Variants in STK26 observed in about 807,000 individuals in gnomAD.
The protein encoded by STK26 is serine/threonine-protein kinase 26.
A neutral mutation model predicts 34.7 loss-of-function variants in STK26; 14 were observed. That is an observed-to-expected ratio of 0.40 (90% CI 0.27 to 0.63). STK26 has a LOEUF of 0.63. Among genes scored for constraint, STK26 ranks in the 30% least tolerant of loss-of-function variants. The pLI is 0.38. For missense variants in STK26, 226 were observed against 309.1 expected, an observed-to-expected ratio of 0.73 and a Z score of 2.02; for synonymous variants, 100 against 109.8, an observed-to-expected ratio of 0.91 and a Z score of 0.56.
chrX:132,042,173 T>A (rs1926290713), intron 2 of STK26, among the ~76,000 whole-genome samples: 1 of 111,265 alleles, frequency 9.0e-6, no homozygotes, highest in Non-Finnish European at 1.9e-5. Context: ...AGGATGGAGA[T>A]AGGTTTCAGA....
intron 2 of STK26, among the ~76,000 whole-genome samples, chrX:132,053,677 A>T (rs1156283288): frequency 8.9e-6 from 1 of 111,894 alleles, no homozygotes; most frequent in East Asian, 2.8e-4. Flanking sequence ...ATTTTGAAGG[A>T]ACTCAAAGTT....
chrX:132,055,005 A>G (rs1926808628), intron 3 of STK26, 144 bp downstream of exon 3: 1 of 520,841 alleles, frequency 1.9e-6, no homozygotes, highest in South Asian at 3.4e-5. Flanking sequence ...TATAGTGCCA[A>G]ATAAACCGTT....
At chrX:132,062,042 G>A (rs1295447546) in intron 3 of STK26, among the ~76,000 whole-genome samples, 4 of 112,307 alleles carry the variant, frequency 3.6e-5, no homozygotes, top group African/African-American at 1.3e-4. Context: ...GCTATACTAC[G>A]AATGAATACA....
At chrX:132,054,908 A>T in intron 3 of STK26, 47 bp downstream of exon 3, 1 of 1,051,482 alleles carries the variant, frequency 9.5e-7, no homozygotes, top group Non-Finnish European at 1.3e-6. Context: ...TTTTCATTAG[A>T]AGTTTTTTAA....
At chrX:132,034,289 A>ATTTTTTT (rs1219878763) in intron 2 of STK26, among the ~76,000 whole-genome samples, 3 of 34,966 alleles carry the variant, frequency 8.6e-5, no homozygotes, top group Admixed American at 5.2e-4. Context: ...TGAGACATTT[A>ATTTTTTT]TTCTTTTTTT....
intron 2 of STK26, among the ~76,000 whole-genome samples, chrX:132,048,132 GA>G (rs774041751): frequency 9.0e-6 from 1 of 111,548 alleles, no homozygotes; most frequent in Admixed American, 9.5e-5. Context: ...ACAAAGATAA[GA>G]AATATAGCAT....
Position 132,072,343 on chromosome X carries a change from G to C in STK26, c.1008G>C (p.Lys336Asn), listed in dbSNP as rs370089311. 46 of 1,199,456 alleles carry C rather than the reference G, an allele frequency of 3.8e-5. No individual in the cohort carries two copies. Among genetic ancestry groups the C allele is most frequent in the Non-Finnish European group, 4.9e-5 (43 of 886,338 alleles). ...FTTVRKKPDP[K>N]KVQNGAEQDL... Reference sequence around the variant, plus strand: ...CCGTACGAAAGAAGCCTGATCCAAAGAAAGTACAGAATGGGGCAGTATGTA... The same window carrying C: ...CCGTACGAAAGAAGCCTGATCCAAACAAAGTACAGAATGGGGCAGTATGTA... The change falls in exon 9 of 12, where the codon AAG becomes AAC. Residue 336 changes from lysine to asparagine, a missense_variant. Transcript: ENST00000394334.
intron 3 of STK26, among the ~76,000 whole-genome samples, 186 bp downstream of exon 3, chrX:132,055,047 C>T (rs1354958986): frequency 8.9e-6 from 1 of 112,082 alleles, no homozygotes; most frequent in Non-Finnish European, 1.9e-5. Flanking sequence ...CTGAATGCAT[C>T]CCAGTACTCA....
intron 2 of STK26, among the ~76,000 whole-genome samples, chrX:132,025,647 C>CTTTT (rs57313614): frequency 6.1e-4 from 50 of 81,712 alleles, no homozygotes; most frequent in African/African-American, 2.0e-3. Context: ...AGAGAGGAAT[C>CTTTT]TTTTTTTTTT....
At chrX:132,027,842 G>T (rs1339516592) in intron 2 of STK26, among the ~76,000 whole-genome samples, 1 of 109,860 alleles carries the variant, frequency 9.1e-6, no homozygotes, top group Non-Finnish European at 1.9e-5. Flanking sequence ...GATCTACAGA[G>T]GCTATTTCTT....
chrX:132,029,082 G>A (rs62619090), intron 2 of STK26, among the ~76,000 whole-genome samples: 21,771 of 110,941 alleles, frequency 0.2, 1,683 homozygotes, highest in East Asian at 0.32. Flanking sequence ...TTGACACTAG[G>A]GGAGTAGGGA....
chrX:132,072,960 A>G lies in STK26; in HGVS notation c.1093A>G (p.Lys365Glu). 8.3e-7 allele frequency: 1 copy of G among 1,209,591 alleles called. No homozygotes were observed. Among genetic ancestry groups the G allele is most frequent in the South Asian group, 1.8e-5 (1 of 56,464 alleles). Reference protein sequence around the residue: ...MIITPAFAELKQQDENNASRN... With the variant: ...MIITPAFAELEQQDENNASRN... ...TTTAACTATTATTCTTTCTCAGCTT[A>G]AACAGCAGGACGAGAATAACGCTAG... Residue 365 changes from lysine to glutamate, a missense_variant, in exon 11 of 12, where the codon AAA becomes GAA. Physicochemically the swap from Lys to Glu is moderately conservative, Grantham distance 56. This residue lies in a region of STK26 where 126 missense variants were observed against 132.4 expected (regional missense o/e 0.95). Coordinates refer to ENST00000394334, the MANE Select transcript of STK26 (RefSeq NM_016542.4).
intron 2 of STK26, among the ~76,000 whole-genome samples, chrX:132,043,908 CTG>C (rs1430583164): frequency 8.9e-6 from 1 of 111,849 alleles, no homozygotes; most frequent in Non-Finnish European, 1.9e-5. Context: ...ACACAAATAA[CTG>C]TCTCCAGTTG....
At chrX:132,070,719 A>G (rs1441090309) in intron 7 of STK26, among the ~76,000 whole-genome samples, 1 of 112,709 alleles carries the variant, frequency 8.9e-6, no homozygotes, top group Non-Finnish European at 1.9e-5. Context: ...TGATTAAAGT[A>G]TTTTAGAACA....
At position 132,041,473 on chromosome X, in the gene STK26, G is replaced by T. The variant is rs750893682; in HGVS notation, c.43-13158G>T. 2.5e-3 allele frequency among the ~76,000 whole-genome samples: 281 copies of T among 111,574 alleles called. 1 individual carries two copies. Among genetic ancestry groups the T allele is most frequent in the Non-Finnish European group, 3.7e-3 (198 of 53,064 alleles). On this transcript the variant is annotated intron_variant, in intron 2 of 11. Transcript: ENST00000394334. ...AATGATAGGGTACAAATGAACTCAA[G>T]TTGTAAATTACTGATCTTTTAGGGT...
chrX:132,067,489 A>G (rs1602777265), intron 4 of STK26, among the ~76,000 whole-genome samples: 1 of 112,098 alleles, frequency 8.9e-6, no homozygotes. Context: ...ATATTCCATT[A>G]CAAGTTCTCC....
chrX:132,030,651 G>C (rs1246482642), intron 2 of STK26, among the ~76,000 whole-genome samples: 1 of 109,730 alleles, frequency 9.1e-6, no homozygotes, highest in African/African-American at 3.3e-5. Context: ...TGTTCTGAAA[G>C]AGTGGTGGTT....
chrX:132,050,764 A>T (rs1475917538), intron 2 of STK26, among the ~76,000 whole-genome samples: 1 of 111,846 alleles, frequency 8.9e-6, no homozygotes, highest in Non-Finnish European at 1.9e-5. Context: ...CAACTTGTCC[A>T]CTTTTAATGT....
intron 3 of STK26, among the ~76,000 whole-genome samples, chrX:132,062,396 A>G (rs1004055897): frequency 5.3e-5 from 6 of 112,355 alleles, no homozygotes; most frequent in Admixed American, 4.7e-4. Context: ...CCTGTTTTAG[A>G]ATTTGTATAC....
Sources: gnomAD v4.1 joint callset for allele counts (sites outside exome capture counted in the v4.1 genomes callset) on GRCh38, gnomAD v4.1.1 for gene constraint, gnomAD v4.1.1 regional missense constraint, MANE v1.5 for transcripts, NCBI Gene and HGNC (gene_info 2026-07-23, HGNC 2026-07-21) for gene names.